Variants in LUZP2 observed in about 807,000 individuals in gnomAD.
LUZP2 encodes the protein leucine zipper protein 2.
LUZP2 carries 52 observed loss-of-function variants against 51.6 expected under a neutral mutation model. The observed-to-expected ratio is 1.01, with a 90% CI of 0.81 to 1.27. The LOEUF (loss-of-function observed/expected upper bound fraction) is 1.27. LUZP2 is among the 50% of genes most tolerant of loss of function. The pLI is 0.00. For synonymous variants in LUZP2, 154 were observed against 137.3 expected (o/e 1.12, Z -0.85); for missense variants, 436 against 395.4 (o/e 1.10, Z -0.87).
chr11:24,540,961 G>A (rs1310468253), intron 1 of LUZP2, among the ~76,000 whole-genome samples: 1 of 152,090 alleles, frequency 6.6e-6, no homozygotes, highest in African/African-American at 2.4e-5. Context: ...TAAGAAATGA[G>A]GTGATGGCCG....
At chr11:25,008,339 G>A (rs1226439846) in intron 9 of LUZP2, among the ~76,000 whole-genome samples, 1 of 152,232 alleles carries the variant, frequency 6.6e-6, no homozygotes. Context: ...GGAGGCCAAA[G>A]GTGTGTTACT....
chr11:24,656,521 G>A (rs1855809281), intron 1 of LUZP2, among the ~76,000 whole-genome samples: 1 of 152,038 alleles, frequency 6.6e-6, no homozygotes. Flanking sequence ...TGAGGAGTCT[G>A]GCACATGTGT....
At chr11:24,584,295 C>T (rs1318710740) in intron 1 of LUZP2, among the ~76,000 whole-genome samples, 2 of 152,188 alleles carry the variant, frequency 1.3e-5, no homozygotes, top group Non-Finnish European at 1.5e-5. Flanking sequence ...CCCACCTCCA[C>T]TCCTCCTCAA....
intron 1 of LUZP2, among the ~76,000 whole-genome samples, chr11:24,566,674 C>T (rs1291257421): frequency 6.9e-6 from 1 of 145,446 alleles, no homozygotes; most frequent in African/African-American, 2.5e-5. Flanking sequence ...AGCCTGAGAT[C>T]CTGTGTTTTC....
At chr11:24,667,180 T>C (rs924162448) in intron 1 of LUZP2, among the ~76,000 whole-genome samples, 19 of 141,366 alleles carry the variant, frequency 1.3e-4, no homozygotes, top group Admixed American at 3.5e-4. Flanking sequence ...CATTTTCTTT[T>C]TTTCTTTTTT....
intron 5 of LUZP2, among the ~76,000 whole-genome samples, chr11:24,852,401 C>T (rs56291767): frequency 0.026 from 4,015 of 152,156 alleles, 74 homozygotes; most frequent in Non-Finnish European, 0.028. Flanking sequence ...TCAGTTTCCA[C>T]GTACTTGTGC....
At chr11:24,965,453 C>T (rs1590784339) in intron 7 of LUZP2, among the ~76,000 whole-genome samples, 1 of 151,428 alleles carries the variant, frequency 6.6e-6, no homozygotes, top group African/African-American at 2.4e-5. Flanking sequence ...ATTTGATAGC[C>T]ATTGAAATCA....
At chr11:24,668,215 T>C (rs10834418) in intron 1 of LUZP2, among the ~76,000 whole-genome samples, 104,237 of 152,072 alleles carry the variant, frequency 0.69, 36,458 homozygotes, top group Non-Finnish European at 0.76. Flanking sequence ...CACATGCTGG[T>C]ACTTATCTGG....
intron 3 of LUZP2, among the ~76,000 whole-genome samples, chr11:24,732,630 C>T (rs965073381): frequency 1.3e-5 from 2 of 151,474 alleles, no homozygotes; most frequent in African/African-American, 4.8e-5. Context: ...CAAGTAGAAT[C>T]AGTACAATAT....
intron 7 of LUZP2, among the ~76,000 whole-genome samples, chr11:24,939,854 C>A (rs766914067): frequency 2.0e-5 from 3 of 151,990 alleles, no homozygotes; most frequent in Non-Finnish European, 4.4e-5. Context: ...TGTTCAAGCT[C>A]CTGTTAGCTT....
chr11:24,733,056 A>G (rs1015528377), intron 3 of LUZP2, among the ~76,000 whole-genome samples: 3 of 151,804 alleles, frequency 2.0e-5, no homozygotes, highest in African/African-American at 7.2e-5. Flanking sequence ...TAGCATGTGG[A>G]ATAGATTCTA....
At chr11:24,597,434 T>C (rs184682493) in intron 1 of LUZP2, among the ~76,000 whole-genome samples, 1 of 152,320 alleles carries the variant, frequency 6.6e-6, no homozygotes, top group Admixed American at 6.5e-5. Context: ...GTACAGCCTA[T>C]ACATTCAAAG....
intron 1 of LUZP2, among the ~76,000 whole-genome samples, chr11:24,642,728 C>T (rs922299181): frequency 3.3e-5 from 5 of 151,914 alleles, no homozygotes; most frequent in Non-Finnish European, 7.4e-5. Context: ...GGGAGACAGA[C>T]TGGGCATGTC....
intron 7 of LUZP2, among the ~76,000 whole-genome samples, chr11:24,946,243 A>G (rs1458024777): frequency 1.3e-5 from 2 of 152,022 alleles, no homozygotes; most frequent in Non-Finnish European, 2.9e-5. Flanking sequence ...TCTACTTTTT[A>G]GATATAAATA....
intron 1 of LUZP2, among the ~76,000 whole-genome samples, chr11:24,666,147 G>A (rs930643254): frequency 1.3e-5 from 2 of 152,078 alleles, no homozygotes; most frequent in Admixed American, 6.6e-5. Flanking sequence ...AGAAATGGGG[G>A]AAGGTCTGCT....
intron 5 of LUZP2, among the ~76,000 whole-genome samples, chr11:24,858,024 G>T (rs761725706): frequency 6.6e-6 from 1 of 151,646 alleles, no homozygotes; most frequent in Non-Finnish European, 1.5e-5. Context: ...TTTTAATCTG[G>T]GATGAGGACT....
intron 1 of LUZP2, among the ~76,000 whole-genome samples, chr11:24,648,357 C>A (rs559000506): frequency 6.6e-6 from 1 of 151,956 alleles, no homozygotes; most frequent in South Asian, 2.1e-4. Context: ...TTCCCCTAAC[C>A]TATCTCTTAC....
At chr11:24,538,289 A>G (rs567247517) in intron 1 of LUZP2, among the ~76,000 whole-genome samples, 3 of 151,954 alleles carry the variant, frequency 2.0e-5, no homozygotes, top group East Asian at 3.9e-4. Flanking sequence ...GGGCTATATC[A>G]CACTATATTA....
chr11:24,831,178 T>A (rs941614098), intron 5 of LUZP2, among the ~76,000 whole-genome samples: 3 of 152,338 alleles, frequency 2.0e-5, no homozygotes, highest in African/African-American at 7.2e-5. Context: ...TGTTTATTTA[T>A]CATCTCTAGC....
Sources: allele counts gnomAD v4.1 joint callset (sites outside exome capture counted in the v4.1 genomes callset), GRCh38; gene constraint gnomAD v4.1.1; transcripts MANE v1.5; gene names NCBI Gene and HGNC (gene_info 2026-07-23, HGNC 2026-07-21).